RBM20: variants seen among roughly 807,000 people sequenced by gnomAD.
RBM20 encodes the protein RNA-binding protein 20.
A neutral mutation model predicts 110.1 loss-of-function variants in RBM20; 51 were observed. The ratio of observed to expected loss-of-function variants is 0.46; its 90% CI spans 0.37 to 0.59. RBM20 has a LOEUF of 0.59. Ranked by LOEUF, RBM20 falls within the 20% of genes least tolerant of loss-of-function variation. RBM20 has a pLI of 0.00. For synonymous variants in RBM20, 589 were observed against 618.2 expected (o/e 0.95, Z 0.70); for missense variants, 1,512 against 1,574.9 (o/e 0.96, Z 0.68).
chr10:110,802,448 C>T (rs182820536), intron 7 of RBM20, among the ~76,000 whole-genome samples: 42 of 151,444 alleles, frequency 2.8e-4, no homozygotes, highest in Admixed American at 2.0e-3. Context: ...GCATCCCACC[C>T]CATTCTATAT....
chr10:110,801,427 C>CA (rs34583233), intron 7 of RBM20, among the ~76,000 whole-genome samples: 282 of 134,754 alleles, frequency 2.1e-3, no homozygotes, highest in African/African-American at 2.8e-3. Flanking sequence ...AACTCCGTCT[C>CA]AAAAAAAAAA....
At chr10:110,761,116 GA>G (rs1198129946) in intron 1 of RBM20, 1 of 66,186 alleles carries the variant, frequency 1.5e-5, no homozygotes, top group African/African-American at 5.4e-5. Context: ...AAAAAAAAAA[GA>G]AAAGAGAAAA....
chr10:110,743,852 G>A (rs1590649096), intron 1 of RBM20, among the ~76,000 whole-genome samples: 2 of 152,292 alleles, frequency 1.3e-5, no homozygotes, highest in South Asian at 4.1e-4. Flanking sequence ...CTGACCTCAG[G>A]TGATCCGACT....
intron 1 of RBM20, among the ~76,000 whole-genome samples, chr10:110,646,734 T>C (rs1373766767): frequency 1.3e-5 from 2 of 152,244 alleles, no homozygotes; most frequent in Non-Finnish European, 2.9e-5. Context: ...ATTTTGAAAC[T>C]GCATTTGCAT....
intron 5 of RBM20, among the ~76,000 whole-genome samples, chr10:110,795,349 G>A (rs976484323): frequency 5.3e-5 from 8 of 152,234 alleles, no homozygotes; most frequent in Non-Finnish European, 1.2e-4. Context: ...TGCACTTTAG[G>A]AAGATGAGGA....
At chr10:110,762,220 T>G (rs1413372620) in intron 1 of RBM20, among the ~76,000 whole-genome samples, 2 of 152,228 alleles carry the variant, frequency 1.3e-5, no homozygotes, top group Non-Finnish European at 1.5e-5. Flanking sequence ...CTTAATTTGT[T>G]TTAAGACTTG....
chr10:110,826,184 C>T (rs193123320), intron 12 of RBM20, among the ~76,000 whole-genome samples: 3 of 152,296 alleles, frequency 2.0e-5, no homozygotes, highest in African/African-American at 7.2e-5. Flanking sequence ...TGGATTTTAT[C>T]AGTTTTTAAT....
intron 1 of RBM20, among the ~76,000 whole-genome samples, chr10:110,673,887 C>A (rs72834034): frequency 0.077 from 11,735 of 152,142 alleles, 636 homozygotes; most frequent in Non-Finnish European, 0.11. Context: ...AATGGAATAT[C>A]CTTTACTGTG....
At position 110,644,559 on chromosome 10, in the gene RBM20, C is replaced by A; in HGVS notation, c.105C>A (p.Pro35=). ...SVPGARASPA[P]SGPRGMQQPP... ...CTGGTGCCCGGGCGTCCCCGGCACCCTCCGGCCCGCGAGGGATGCAGCAGC... is the reference window on the plus strand; with the variant it reads ...CTGGTGCCCGGGCGTCCCCGGCACCATCCGGCCCGCGAGGGATGCAGCAGC... Residue 35 remains proline, a synonymous_variant, in exon 1 of 14, where the codon CCC becomes CCA. Coordinates refer to ENST00000369519, the MANE Select transcript of RBM20 (RefSeq NM_001134363.3). This position sits in a 1 kb window ranked among gnomAD's most constrained non-coding sequence, Gnocchi z 4.3. 1 of 1,527,146 alleles carries A rather than the reference C, an allele frequency of 6.5e-7. No individual in the cohort carries two copies. Among genetic ancestry groups the A allele is most frequent in the Admixed American group, 2.0e-5 (1 of 49,374 alleles). 94.6% of individuals were successfully genotyped at this position (1,527,146 alleles called of 1,614,324 possible). A position where few individuals can be genotyped will look rare whatever the true frequency, so the allele number is the denominator to read the frequency against.
At chr10:110,666,197 A>G (rs1862176658) in intron 1 of RBM20, among the ~76,000 whole-genome samples, 1 of 152,226 alleles carries the variant, frequency 6.6e-6, no homozygotes, top group African/African-American at 2.4e-5. Context: ...CATGGAAATC[A>G]TTATATTATT....
chr10:110,683,851 G>A (rs1316819302), intron 1 of RBM20, among the ~76,000 whole-genome samples: 1 of 152,192 alleles, frequency 6.6e-6, no homozygotes, highest in Non-Finnish European at 1.5e-5. Context: ...ATTGATGAAT[G>A]TGGCTTTTAT....
intron 1 of RBM20, among the ~76,000 whole-genome samples, chr10:110,647,249 G>A (rs1326984960): frequency 6.6e-6 from 1 of 152,192 alleles, no homozygotes; most frequent in East Asian, 1.9e-4. Flanking sequence ...AACACATGAA[G>A]CGTGATGACT....
intron 1 of RBM20, among the ~76,000 whole-genome samples, chr10:110,694,104 T>G (rs2134881139): frequency 6.6e-6 from 1 of 152,332 alleles, no homozygotes; most frequent in African/African-American, 2.4e-5. Flanking sequence ...GGATGGGTGT[T>G]TCCTGGTAGA....
intron 1 of RBM20, among the ~76,000 whole-genome samples, chr10:110,681,642 G>A (rs1862423806): frequency 6.6e-6 from 1 of 152,168 alleles, no homozygotes; most frequent in Non-Finnish European, 1.5e-5. Flanking sequence ...CACAATTACT[G>A]TTTAACTTTT....
chr10:110,658,275 A>T (rs1590599519), intron 1 of RBM20, among the ~76,000 whole-genome samples: 1 of 152,106 alleles, frequency 6.6e-6, no homozygotes, highest in Non-Finnish European at 1.5e-5. Context: ...AAACTTACAC[A>T]CCTGTGAGGG....
rs1475557145 is a variant in RBM20, at chr10:110,812,418, A to C, written c.2021A>C (p.Asp674Ala). The C allele has an allele frequency of 1.3e-6, 2 of 1,550,896 alleles. No individual in the cohort carries two copies. Among genetic ancestry groups the C allele is most frequent in the African/African-American group, 2.7e-5 (2 of 72,806 alleles). Residue 674 changes from aspartate (D) to alanine (A), a missense_variant, in exon 9 of 14, where the codon GAC becomes GCC. This residue lies in a region of RBM20 where 1,149 missense variants were observed against 1,169.4 expected (regional missense o/e 0.98). Transcript: ENST00000369519. ...CGGGCTGACTGGGGCAATGGCCGGG[A>C]CTCCTGGGAGCACTCTCCCTATGCC... ...PSRADWGNGR[D>A]SWEHSPYARR... is the part of the protein sequence containing the mutation.
intron 1 of RBM20, among the ~76,000 whole-genome samples, chr10:110,728,510 T>C (rs965607069): frequency 1.3e-5 from 2 of 152,228 alleles, no homozygotes; most frequent in African/African-American, 4.8e-5. Flanking sequence ...CTCATTTTTA[T>C]GCCTCAGGGT....
Position 110,821,330 on chromosome 10 carries a change from A to G in RBM20, c.2711A>G (p.Asn904Ser), listed in dbSNP as rs928141578. Residue 904 changes from asparagine to serine, a missense_variant, in exon 11 of 14, where the codon AAC (asparagine) becomes AGC (serine). Coordinates refer to ENST00000369519, the MANE Select transcript of RBM20 (RefSeq NM_001134363.3). ...EAEGESWYPT[N>S]MEELVTVDEV... is the part of the protein sequence containing the mutation. ...GAGGGGGAGAGCTGGTATCCCACTA[A>G]CATGGAGGAGCTGGTGACAGTGGAC... 1.3e-6 allele frequency: 2 copies of G among 1,551,630 alleles called. No individual in the cohort carries two copies. Among genetic ancestry groups the G allele is most frequent in the African/African-American group, 1.4e-5 (1 of 73,054 alleles).
intron 9 of RBM20, among the ~76,000 whole-genome samples, chr10:110,818,537 C>T (rs1367727986): frequency 6.6e-6 from 1 of 152,210 alleles, no homozygotes; most frequent in Admixed American, 6.5e-5. Flanking sequence ...ACCCGTTGCA[C>T]CCATCTGTTC....
Sources: allele counts gnomAD v4.1 joint callset (sites outside exome capture counted in the v4.1 genomes callset), GRCh38; gene constraint gnomAD v4.1.1; regional missense constraint gnomAD v4.1.1; non-coding constraint Gnocchi (gnomAD v3.1); transcripts MANE v1.5; gene names NCBI Gene and HGNC (gene_info 2026-07-23, HGNC 2026-07-21).